Variants in KCND2 observed in about 807,000 individuals in gnomAD.
KCND2 encodes potassium voltage-gated channel subfamily D member 2.
Under a neutral mutation model 54.4 loss-of-function variants are expected in KCND2, and 16 were observed. The ratio of observed to expected loss-of-function variants is 0.29; its 90% confidence interval spans 0.20 to 0.45. KCND2 has a LOEUF of 0.45. KCND2 is among the 20% of genes least tolerant of loss of function. The pLI is 1.00. For missense variants in KCND2, 486 were observed against 824.2 expected (o/e 0.59, Z 5.02); for synonymous variants, 317 against 310.7 (o/e 1.02, Z -0.21).
chr7:120,682,715 G>A (rs772809280), intron 1 of KCND2, among the ~76,000 whole-genome samples: 4 of 152,066 alleles, frequency 2.6e-5, no homozygotes, highest in South Asian at 2.1e-4. Context: ...TTACACATTC[G>A]TTGAAATGCT....
chr7:120,417,294 T>C (rs1256641917), intron 1 of KCND2, among the ~76,000 whole-genome samples: 2 of 152,240 alleles, frequency 1.3e-5, no homozygotes, highest in Non-Finnish European at 2.9e-5. Context: ...GTTTAGTCTG[T>C]GGAAATCAAA....
intron 1 of KCND2, among the ~76,000 whole-genome samples, chr7:120,554,382 G>T (rs1000642623): frequency 7.2e-5 from 11 of 151,878 alleles, no homozygotes; most frequent in African/African-American, 2.7e-4. Flanking sequence ...TCTGGTTTAC[G>T]TGGTGCTGAG....
intron 1 of KCND2, among the ~76,000 whole-genome samples, chr7:120,710,430 A>G (rs1302599971): frequency 1.3e-5 from 2 of 152,168 alleles, no homozygotes; most frequent in Admixed American, 6.6e-5. Flanking sequence ...GAATTATACA[A>G]TCATATAGCT....
intron 1 of KCND2, among the ~76,000 whole-genome samples, chr7:120,400,358 A>G (rs914040240): frequency 2.0e-5 from 3 of 152,174 alleles, no homozygotes; most frequent in Non-Finnish European, 4.4e-5. Flanking sequence ...GCAAACAACC[A>G]TACTCCAATA....
chr7:120,421,251 A>G (rs957669246), intron 1 of KCND2, among the ~76,000 whole-genome samples: 4 of 152,192 alleles, frequency 2.6e-5, no homozygotes, highest in Non-Finnish European at 2.9e-5. Context: ...TGTATTGAGC[A>G]TTGTTACCAC....
At chr7:120,462,138 A>G (rs954844881) in intron 1 of KCND2, among the ~76,000 whole-genome samples, 2 of 151,156 alleles carry the variant, frequency 1.3e-5, no homozygotes, top group African/African-American at 4.9e-5. Context: ...AAATGATTTC[A>G]TTAGTGTTAT....
chr7:120,584,682 C>T (rs1562879841), intron 1 of KCND2, among the ~76,000 whole-genome samples: 1 of 152,222 alleles, frequency 6.6e-6, no homozygotes, highest in Admixed American at 6.5e-5. Context: ...ATCCTAAATA[C>T]ATGGACCCAC....
chr7:120,743,687 C>A (rs1157570667), intron 4 of KCND2, among the ~76,000 whole-genome samples: 1 of 151,844 alleles, frequency 6.6e-6, no homozygotes, highest in African/African-American at 2.4e-5. Context: ...GATACAAGTA[C>A]CTGAAGAAGG....
chr7:120,532,014 C>T (rs562389822), intron 1 of KCND2, among the ~76,000 whole-genome samples: 3 of 152,104 alleles, frequency 2.0e-5, no homozygotes, highest in African/African-American at 7.2e-5. Context: ...CTGAGCTGAT[C>T]ATTGATTGGA....
intron 5 of KCND2, among the ~76,000 whole-genome samples, chr7:120,747,232 A>G (rs920471639): frequency 6.6e-6 from 1 of 152,054 alleles, no homozygotes; most frequent in Non-Finnish European, 1.5e-5. Flanking sequence ...CATTAAGTTC[A>G]GAGGTTTGAG....
intron 1 of KCND2, among the ~76,000 whole-genome samples, chr7:120,412,550 C>T (rs1040579042): frequency 6.6e-6 from 1 of 151,926 alleles, no homozygotes; most frequent in Admixed American, 6.6e-5. Context: ...CTTGTTCCTC[C>T]ATATGTTTTC....
At chr7:120,552,766 A>G (rs1792118368) in intron 1 of KCND2, among the ~76,000 whole-genome samples, 1 of 152,120 alleles carries the variant, frequency 6.6e-6, no homozygotes, top group South Asian at 2.1e-4. Flanking sequence ...AATTTCTTAA[A>G]TTGATTCAGC....
intron 1 of KCND2, among the ~76,000 whole-genome samples, chr7:120,412,167 A>G (rs1313227848): frequency 6.6e-6 from 1 of 152,104 alleles, no homozygotes; most frequent in Non-Finnish European, 1.5e-5. Flanking sequence ...ATTGGATTAT[A>G]GCTAAACTTT....
intron 1 of KCND2, among the ~76,000 whole-genome samples, chr7:120,297,623 A>G (rs1434998694): frequency 6.6e-6 from 1 of 152,148 alleles, no homozygotes; most frequent in Non-Finnish European, 1.5e-5. Flanking sequence ...TTATTTAAAA[A>G]TAATTTCTCT....
intron 1 of KCND2, among the ~76,000 whole-genome samples, chr7:120,706,763 T>C (rs980212711): frequency 1.3e-5 from 2 of 152,160 alleles, no homozygotes; most frequent in African/African-American, 4.8e-5. Context: ...AGCCAGAAAA[T>C]ACTTTCTGTG....
chr7:120,442,063 AT>A (rs1194383966), intron 1 of KCND2, among the ~76,000 whole-genome samples: 1 of 152,130 alleles, frequency 6.6e-6, no homozygotes, highest in Non-Finnish European at 1.5e-5. Context: ...AACAGAAACT[AT>A]ATTATTACAA....
At chr7:120,702,709 C>T (rs1297659192) in intron 1 of KCND2, among the ~76,000 whole-genome samples, 2 of 152,080 alleles carry the variant, frequency 1.3e-5, no homozygotes, top group Non-Finnish European at 1.5e-5. Flanking sequence ...CATGTTCTCA[C>T]TTATAAGCAG....
chr7:120,607,633 A>AAT (rs1260226714), intron 1 of KCND2, among the ~76,000 whole-genome samples: 1 of 152,168 alleles, frequency 6.6e-6, no homozygotes, highest in East Asian at 1.9e-4. Flanking sequence ...TTCCCAATGC[A>AAT]ATAAATAAGA....
intron 1 of KCND2, among the ~76,000 whole-genome samples, chr7:120,616,345 T>C (rs1793024013): frequency 6.6e-6 from 1 of 152,202 alleles, no homozygotes. Flanking sequence ...GTAACACATA[T>C]AAAGGTTTTA....
Sources: allele counts gnomAD v4.1 joint callset (sites outside exome capture counted in the v4.1 genomes callset), GRCh38; gene constraint gnomAD v4.1.1; transcripts MANE v1.5; gene names NCBI Gene and HGNC (gene_info 2026-07-23, HGNC 2026-07-21).